The following ADGRL3 variants were observed in gnomAD, a reference collection of about 807,000 sequenced individuals.
The protein encoded by ADGRL3 is calcium-independent alpha-latrotoxin receptor 3.
ADGRL3 carries 62 observed loss-of-function variants against 153.5 expected under a neutral mutation model. That is an observed-to-expected ratio of 0.40 (90% confidence interval 0.33 to 0.50). The LOEUF (loss-of-function observed/expected upper bound fraction) is 0.50. ADGRL3 is among the 20% of genes least tolerant of loss of function. The pLI, the probability that ADGRL3 is intolerant of heterozygous loss-of-function variation, is 0.47. For synonymous variants in ADGRL3, 710 were observed against 672.5 expected (o/e 1.06, Z -0.86); for missense variants, 1,641 against 1,859.4 (o/e 0.88, Z 2.16).
chr4:61,665,280 G>A (rs916060172), intron 5 of ADGRL3, among the ~76,000 whole-genome samples: 10 of 152,192 alleles, frequency 6.6e-5, no homozygotes, highest in East Asian at 1.9e-4. Context: ...ACATGGTGGC[G>A]GATATCTGTA....
intron 21 of ADGRL3, among the ~76,000 whole-genome samples, chr4:62,012,536 T>C (rs544541163): frequency 1.3e-3 from 194 of 152,292 alleles, no homozygotes; most frequent in African/African-American, 4.5e-3. Context: ...TTTCAACAGA[T>C]AGTCTGGCTT....
At position 61,562,165 on chromosome 4, in the gene ADGRL3, A is replaced by C. The variant is rs114156011; in HGVS notation, c.260-25062A>C. Among the ~76,000 whole-genome samples, 918 of 152,282 alleles carry C rather than the reference A, an allele frequency of 6.0e-3. 14 individuals are homozygous for C. Among genetic ancestry groups the C allele is most frequent in the African/African-American group, 0.021 (870 of 41,548 alleles). On this transcript the variant is annotated intron_variant, in intron 4 of 26. Coordinates refer to ENST00000683033, the MANE Select transcript of ADGRL3 (RefSeq NM_001387552.1). Reference sequence around the variant, plus strand: ...AGCCTATTAGGTGTGCAGTAGCATTATATTTATAAAAACAGTATACATACC... The same window carrying C: ...AGCCTATTAGGTGTGCAGTAGCATTCTATTTATAAAAACAGTATACATACC...
intron 2 of ADGRL3, among the ~76,000 whole-genome samples, chr4:61,406,186 T>TA (rs545784413): frequency 7.2e-4 from 105 of 145,872 alleles, no homozygotes; most frequent in Middle Eastern, 3.6e-3. Flanking sequence ...AAACTGAGGA[T>TA]AAAAAAAAAA....
chr4:61,242,426 T>C (rs1170630155), intron 1 of ADGRL3, among the ~76,000 whole-genome samples: 1 of 152,076 alleles, frequency 6.6e-6, no homozygotes, highest in African/African-American at 2.4e-5. Context: ...AGGAAGCCTG[T>C]TAGCTGTTTG....
At chr4:61,807,349 G>GT (rs2097563364) in intron 8 of ADGRL3, among the ~76,000 whole-genome samples, 1 of 141,948 alleles carries the variant, frequency 7.0e-6, no homozygotes, top group Non-Finnish European at 1.5e-5. Flanking sequence ...TTTTTTTTTA[G>GT]TTTTTTTGTA....
intron 4 of ADGRL3, among the ~76,000 whole-genome samples, chr4:61,571,437 C>T (rs1218198327): frequency 6.6e-6 from 1 of 152,062 alleles, no homozygotes. Flanking sequence ...CGCTTAGGCC[C>T]AGGAGTTCAA....
At chr4:61,342,084 C>G (rs550811792) in intron 1 of ADGRL3, among the ~76,000 whole-genome samples, 47 of 152,032 alleles carry the variant, frequency 3.1e-4, no homozygotes, top group Non-Finnish European at 6.5e-4. Flanking sequence ...AAGAAAAAAG[C>G]TTTATAATCC....
At chr4:61,638,504 A>G in intron 5 of ADGRL3, among the ~76,000 whole-genome samples, 1 of 152,172 alleles carries the variant, frequency 6.6e-6, no homozygotes, top group East Asian at 1.9e-4. Flanking sequence ...GTAATTTGCA[A>G]TAAAAAAAGA....
chr4:61,920,175 AATAG>A (rs1473020953), intron 13 of ADGRL3, among the ~76,000 whole-genome samples: 1 of 152,178 alleles, frequency 6.6e-6, no homozygotes, highest in Non-Finnish European at 1.5e-5. Flanking sequence ...ATAGAATATA[AATAG>A]ATATTATTTC....
Position 62,070,460 on chromosome 4 carries a change from T to C in ADGRL3, c.4184T>C (p.Ile1395Thr), listed in dbSNP as rs1745250544. 1.3e-6 allele frequency: 2 copies of C among 1,551,290 alleles called. No individual in the cohort carries two copies. Among genetic ancestry groups the C allele is most frequent in the African/African-American group, 1.4e-5 (1 of 72,802 alleles). Residue 1395 changes from isoleucine (I) to threonine (T), a missense_variant, in exon 27 of 27, where the codon ATT (isoleucine) becomes ACT (threonine). Physicochemically the swap from Ile to Thr is moderately conservative, Grantham distance 89 (BLOSUM62 -1). Around this residue, in one of 5 missense-constraint regions of ADGRL3, gnomAD observed 517 missense variants for 555.0 expected, o/e 0.93. Coordinates refer to ENST00000683033, the MANE Select transcript of ADGRL3 (RefSeq NM_001387552.1). ...GAGGAGAGTTTGGGCCTGGAACTCA[T>C]TCATGAGGAATCTGATGCTCCTTTG... ...NHEESLGLEL[I>T]HEESDAPLLP...
intron 5 of ADGRL3, among the ~76,000 whole-genome samples, chr4:61,622,729 A>G (rs1007500056): frequency 1.3e-5 from 2 of 152,138 alleles, no homozygotes; most frequent in African/African-American, 4.8e-5. Flanking sequence ...CTATTTTTAA[A>G]ACGAGGAAAA....
At chr4:61,384,095 C>G (rs933085725) in intron 2 of ADGRL3, among the ~76,000 whole-genome samples, 2 of 151,786 alleles carry the variant, frequency 1.3e-5, no homozygotes, top group African/African-American at 4.8e-5. Flanking sequence ...ATATTCCGTA[C>G]TTTTTTCTGA....
intron 6 of ADGRL3, among the ~76,000 whole-genome samples, chr4:61,726,134 A>G (rs1488565436): frequency 6.7e-6 from 1 of 150,240 alleles, no homozygotes; most frequent in African/African-American, 2.4e-5. Context: ...TGGAGAACCT[A>G]AATGCTCCAA....
intron 8 of ADGRL3, among the ~76,000 whole-genome samples, chr4:61,791,486 C>T (rs2097341196): frequency 6.6e-6 from 1 of 152,212 alleles, no homozygotes; most frequent in Non-Finnish European, 1.5e-5. Context: ...AGGGTATGGC[C>T]TCCCTCCTGG....
intron 11 of ADGRL3, 141 bp from the exon 12 acceptor site, chr4:61,909,419 T>C (rs1013509354): frequency 1.7e-6 from 1 of 591,334 alleles, no homozygotes; most frequent in East Asian, 3.0e-5. Context: ...AATTGGGGAG[T>C]GTATTCCAGA....
chr4:61,446,622 A>G (rs930637785), intron 2 of ADGRL3, among the ~76,000 whole-genome samples: 12 of 152,202 alleles, frequency 7.9e-5, no homozygotes, highest in African/African-American at 2.9e-4. Context: ...GTGCAATTGA[A>G]TAAATAAAGA....
chr4:61,951,844 G>A (rs1004494181), intron 17 of ADGRL3, among the ~76,000 whole-genome samples: 1 of 152,068 alleles, frequency 6.6e-6, no homozygotes, highest in Admixed American at 6.6e-5. Context: ...CAGTTTGAGC[G>A]ACCAAGCAAG....
chr4:61,527,064 G>A (rs1238771613), intron 4 of ADGRL3, among the ~76,000 whole-genome samples: 2 of 151,922 alleles, frequency 1.3e-5, no homozygotes, highest in Admixed American at 6.6e-5. Flanking sequence ...TTTAGACATA[G>A]AAATATTTAT....
intron 2 of ADGRL3, among the ~76,000 whole-genome samples, chr4:61,493,776 C>T (rs114829187): frequency 0.014 from 2,124 of 152,252 alleles, 23 homozygotes; most frequent in Non-Finnish European, 0.023. Context: ...TTGGAAATCC[C>T]GTGTTGTACC....
Sources: allele counts gnomAD v4.1 joint callset (sites outside exome capture counted in the v4.1 genomes callset), GRCh38; gene constraint gnomAD v4.1.1; regional missense constraint gnomAD v4.1.1; transcripts MANE v1.5; gene names NCBI Gene and HGNC (gene_info 2026-07-23, HGNC 2026-07-21).